The following GULP1 variants were observed in gnomAD, a reference collection of about 807,000 sequenced individuals.
GULP1 encodes the protein GULP PTB domain containing engulfment adaptor 1.
GULP1 carries 19 observed loss-of-function variants against 40.9 expected under a neutral mutation model. The observed-to-expected ratio is 0.46, with a 90% confidence interval of 0.32 to 0.68. The LOEUF (loss-of-function observed/expected upper bound fraction) is 0.68, where lower values mean the gene tolerates loss of function less well. GULP1 is among the 30% of genes least tolerant of loss of function. The probability of loss-of-function intolerance (pLI) is 0.03; values close to 1 mark genes in which losing one functional copy is unlikely to be tolerated. For missense variants in GULP1, 312 were observed against 362.2 expected, an observed-to-expected ratio of 0.86 and a Z score of 1.12; for synonymous variants, 119 against 117.6, an observed-to-expected ratio of 1.01 and a Z score of -0.08.
intron 4 of GULP1, among the ~76,000 whole-genome samples, chr2:188,504,382 T>TG (rs1339317321): frequency 1.3e-5 from 2 of 151,948 alleles, no homozygotes; most frequent in Non-Finnish European, 2.9e-5. Flanking sequence ...GAGTTGCCTA[T>TG]GTGGTGTATA....
chr2:188,321,588 C>A (rs1448527504), intron 1 of GULP1, among the ~76,000 whole-genome samples: 2 of 151,750 alleles, frequency 1.3e-5, no homozygotes, highest in Non-Finnish European at 2.9e-5. Flanking sequence ...CTGTTTATCA[C>A]TTGTATAGAT....
At chr2:188,352,463 A>G (rs373088847) in intron 1 of GULP1, among the ~76,000 whole-genome samples, 1 of 152,072 alleles carries the variant, frequency 6.6e-6, no homozygotes, top group African/African-American at 2.4e-5. Flanking sequence ...TTGTACTCAG[A>G]CTGAAACTAC....
Position 188,569,260 on chromosome 2 carries a change from A to T in GULP1, c.421A>T (p.Ile141Phe). 2.5e-6 allele frequency: 4 copies of T among 1,572,924 alleles called. No individual in the cohort carries two copies. Among genetic ancestry groups the T allele is most frequent in the Non-Finnish European group, 3.5e-6 (4 of 1,142,682 alleles). The change falls in exon 8 of 12, where the codon ATT becomes TTT. Residue 141 changes from isoleucine to phenylalanine, a missense_variant. Transcript: ENST00000409830. ...EKCAEEITLTIGQAFDLAYRK... is the reference protein window; with the variant it reads ...EKCAEEITLTFGQAFDLAYRK... ...ACAGGCTGAAGAGATCACTTTAACA[A>T]TTGGCCAAGCATTTGACCTGGCATA...
intron 4 of GULP1, among the ~76,000 whole-genome samples, chr2:188,485,017 TGG>T (rs2061743240): frequency 6.6e-6 from 1 of 152,136 alleles, no homozygotes; most frequent in African/African-American, 2.4e-5. Flanking sequence ...TATTAGCTAT[TGG>T]TATACTATAT....
At chr2:188,521,195 A>G in intron 4 of GULP1, among the ~76,000 whole-genome samples, 1 of 152,278 alleles carries the variant, frequency 6.6e-6, no homozygotes, top group East Asian at 1.9e-4. Flanking sequence ...TGTTTGCCCT[A>G]TATATAGAAT....
intron 2 of GULP1, among the ~76,000 whole-genome samples, chr2:188,455,687 GCTGAAAAGATAACTGAAA>G (rs1177113579): frequency 6.6e-6 from 1 of 152,166 alleles, no homozygotes; most frequent in Non-Finnish European, 1.5e-5. Flanking sequence ...GTGGGGCACT[GCTGAAAAGATAACTGAAA>G]CTGAAAAGAT....
At chr2:188,482,366 T>G (rs926606330) in intron 3 of GULP1, among the ~76,000 whole-genome samples, 3 of 151,978 alleles carry the variant, frequency 2.0e-5, no homozygotes, top group African/African-American at 7.2e-5. Context: ...TTGAAACTAC[T>G]TTGTTAGTAA....
intron 1 of GULP1, among the ~76,000 whole-genome samples, chr2:188,343,059 T>C (rs2152194662): frequency 6.6e-6 from 1 of 152,238 alleles, no homozygotes; most frequent in South Asian, 2.1e-4. Flanking sequence ...TTGACTAAAA[T>C]TGGAAGCACC....
rs539223881 is a variant in GULP1, at chr2:188,456,673, A to C, written c.-44-20986A>C. Among the ~76,000 whole-genome samples the C allele has an allele frequency of 2.0e-5, 3 of 152,316 alleles. No individual in the cohort carries two copies. In the East Asian group the frequency reaches 5.8e-4, roughly 29 times the overall value. ...GGAAATGTGGGGTGAGAGTTCCCAC[A>C]CAGAGTCCCTACTGGGGCACCACCT... On this transcript the variant is annotated intron_variant, in intron 2 of 11. Transcript: ENST00000409830.
At chr2:188,442,591 G>A (rs957504860) in intron 2 of GULP1, among the ~76,000 whole-genome samples, 1 of 152,010 alleles carries the variant, frequency 6.6e-6, no homozygotes, top group African/African-American at 2.4e-5. Context: ...AGATGCTTTT[G>A]GGAAAATAGG....
rs765927248 is a variant in GULP1, at chr2:188,483,478, C to A, written c.76C>A (p.Pro26Thr). Residue 26 changes from proline to threonine, a missense_variant, in exon 4 of 12, where the codon CCC (proline) becomes ACC (threonine). Transcript: ENST00000409830. ...TPEALSKHFIPYNAKFLGSTE... is the reference protein window; with the variant it reads ...TPEALSKHFITYNAKFLGSTE... ...TGAAGCTTTATCAAAACATTTCATTCCCTATAATGCAAAGGTAAAAATAGT... is the reference window on the plus strand; with the variant it reads ...TGAAGCTTTATCAAAACATTTCATTACCTATAATGCAAAGGTAAAAATAGT... 2 of 1,456,104 alleles carry A rather than the reference C, an allele frequency of 1.4e-6. No homozygotes were observed. Among genetic ancestry groups the A allele is most frequent in the African/African-American group, 2.8e-5 (2 of 72,056 alleles). 90.2% of individuals were successfully genotyped at this position (1,456,104 alleles called of 1,614,324 possible). A position where few individuals can be genotyped will look rare whatever the true frequency, so the allele number is the denominator to read the frequency against.
chr2:188,463,075 TTC>T (rs2059839576), intron 2 of GULP1, among the ~76,000 whole-genome samples: 1 of 152,174 alleles, frequency 6.6e-6, no homozygotes, highest in African/African-American at 2.4e-5. Context: ...TGTTGTAATA[TTC>T]TCTGTTTTTC....
intron 2 of GULP1, among the ~76,000 whole-genome samples, chr2:188,444,971 T>A (rs946761515): frequency 3.3e-5 from 5 of 152,200 alleles, no homozygotes; most frequent in Non-Finnish European, 7.3e-5. Context: ...CAGACTCAAC[T>A]GATTGTCACC....
chr2:188,567,531 C>G (rs1333156604), intron 7 of GULP1, among the ~76,000 whole-genome samples: 1 of 152,118 alleles, frequency 6.6e-6, no homozygotes, highest in Non-Finnish European at 1.5e-5. Flanking sequence ...AGCAAACTAA[C>G]ACAGGAACAG....
intron 4 of GULP1, among the ~76,000 whole-genome samples, chr2:188,520,618 CTCTA>C (rs2065658122): frequency 1.3e-5 from 2 of 151,618 alleles, no homozygotes; most frequent in African/African-American, 2.4e-5. Context: ...GAGCTTTACT[CTCTA>C]GCCTCCATTT....
At chr2:188,387,826 A>G (rs529787738) in intron 2 of GULP1, among the ~76,000 whole-genome samples, 1 of 152,252 alleles carries the variant, frequency 6.6e-6, no homozygotes, top group South Asian at 2.1e-4. Flanking sequence ...GAGAGGAACA[A>G]TTGCAGGGGA....
At chr2:188,430,485 A>T (rs73040454) in intron 2 of GULP1, among the ~76,000 whole-genome samples, 10,221 of 152,254 alleles carry the variant, frequency 0.067, 1,161 homozygotes, top group African/African-American at 0.23. Context: ...GTACTATGTC[A>T]TAGAGCCCTT....
At chr2:188,411,196 C>T (rs867854711) in intron 2 of GULP1, among the ~76,000 whole-genome samples, 2 of 152,150 alleles carry the variant, frequency 1.3e-5, no homozygotes, top group Admixed American at 6.5e-5. Context: ...GCCAGACTGA[C>T]AAGCAAAATA....
intron 1 of GULP1, among the ~76,000 whole-genome samples, chr2:188,378,501 C>T (rs1055951242): frequency 2.0e-5 from 3 of 152,068 alleles, no homozygotes; most frequent in African/African-American, 7.2e-5. Flanking sequence ...AAAGAAAAGA[C>T]GTTTATTTGG....
Sources: gnomAD v4.1 joint callset for allele counts (sites outside exome capture counted in the v4.1 genomes callset) on GRCh38, gnomAD v4.1.1 for gene constraint, MANE v1.5 for transcripts, NCBI Gene and HGNC (gene_info 2026-07-23, HGNC 2026-07-21) for gene names.